Variants in RSPRY1 observed in about 807,000 individuals in gnomAD.
RSPRY1 encodes RING finger and SPRY domain-containing protein 1.
A neutral mutation model predicts 73.1 loss-of-function variants in RSPRY1; 23 were observed. The ratio of observed to expected loss-of-function variants is 0.31; its 90% CI spans 0.23 to 0.45. The LOEUF (loss-of-function observed/expected upper bound fraction) is 0.45, where lower values mean the gene tolerates loss of function less well. Among genes scored for constraint, RSPRY1 ranks in the 20% least tolerant of loss-of-function variants. The pLI is 1.00. For synonymous variants in RSPRY1, 226 were observed against 251.4 expected (o/e 0.90, Z 0.95); for missense variants, 448 against 698.7 (o/e 0.64, Z 4.05).
chr16:57,205,077 A>C, intron 2 of RSPRY1, 69 bp downstream of exon 2: 2 of 1,201,934 alleles, frequency 1.7e-6, no homozygotes, highest in African/African-American at 3.0e-5. Context: ...TGACTTTAGG[A>C]CTCCTTCAGT....
At chr16:57,219,334 T>G (rs2074997349) in intron 8 of RSPRY1, among the ~76,000 whole-genome samples, 1 of 152,190 alleles carries the variant, frequency 6.6e-6, no homozygotes, top group Non-Finnish European at 1.5e-5. Context: ...TGTTGCCTGT[T>G]TTTTAGATAA....
At chr16:57,194,525 T>A (rs763397434) in intron 1 of RSPRY1, among the ~76,000 whole-genome samples, 6 of 152,216 alleles carry the variant, frequency 3.9e-5, no homozygotes, top group Admixed American at 1.3e-4. Context: ...ATTTTCAGGA[T>A]GTTACACATT....
chr16:57,227,306 A>C, intron 10 of RSPRY1, 36 bp from the exon 11 acceptor site: 1 of 1,427,750 alleles, frequency 7.0e-7, no homozygotes, highest in Non-Finnish European at 9.9e-7. Context: ...CAGAGCAGGC[A>C]GACTTGCTAA....
At chr16:57,220,011 A>G (rs1456835054) in intron 8 of RSPRY1, 1 of 152,148 alleles carries the variant, frequency 6.6e-6, no homozygotes, top group African/African-American at 2.4e-5. Flanking sequence ...CCATTGGTCC[A>G]TGTGTCTGTT....
chr16:57,222,800 G>T (rs2075060003), intron 10 of RSPRY1, among the ~76,000 whole-genome samples: 1 of 152,126 alleles, frequency 6.6e-6, no homozygotes, highest in Admixed American at 6.6e-5. Flanking sequence ...CTTCCAGGGA[G>T]GAAGCTTCGA....
chr16:57,197,178 G>A (rs2074463985), intron 1 of RSPRY1, among the ~76,000 whole-genome samples: 1 of 151,986 alleles, frequency 6.6e-6, no homozygotes, highest in Non-Finnish European at 1.5e-5. Context: ...TAATTGATTA[G>A]CTTTCACCCA....
In RSPRY1 at chr16:57,230,778, G is replaced by T. The variant is rs201954899; in HGVS notation, c.1341G>T (p.Gln447His). The change falls in exon 12 of 15, where the codon CAG (glutamine) becomes CAT (histidine). Residue 447 changes from glutamine to histidine, a missense_variant. Transcript: ENST00000394420. ...KQMIFFLNGNQLPPEKQVFSS... is the reference protein window; with the variant it reads ...KQMIFFLNGNHLPPEKQVFSS... ...TGATCTTCTTTTTAAATGGCAACCA[G>T]CTGCCTCCTGAAAAGCAAGTCTTTT... 1.4e-5 allele frequency: 23 copies of T among 1,611,838 alleles called. No homozygotes were observed. Among genetic ancestry groups the T allele is most frequent in the Non-Finnish European group, 2.0e-5 (23 of 1,178,816 alleles).
intron 1 of RSPRY1, among the ~76,000 whole-genome samples, chr16:57,197,338 G>A (rs1400248998): frequency 3.9e-5 from 6 of 152,216 alleles, no homozygotes; most frequent in South Asian, 4.1e-4. Context: ...TGTGGCTGTA[G>A]CCCTCAAGAG....
chr16:57,222,794 C>T (rs1335997110), intron 10 of RSPRY1, among the ~76,000 whole-genome samples: 3 of 152,086 alleles, frequency 2.0e-5, no homozygotes, highest in Non-Finnish European at 4.4e-5. Flanking sequence ...GGGATTCTTC[C>T]AGGGAGGAAG....
chr16:57,217,753 A>G (rs2074964775), intron 8 of RSPRY1, among the ~76,000 whole-genome samples: 1 of 152,192 alleles, frequency 6.6e-6, no homozygotes. Flanking sequence ...ATTAAGAGTG[A>G]TCAACCTGTA....
chr16:57,213,162 C>T (rs1198675349), intron 5 of RSPRY1, 64 bp downstream of exon 5: 1 of 1,500,496 alleles, frequency 6.7e-7, no homozygotes, highest in Non-Finnish European at 9.1e-7. Context: ...GAAATTTGTA[C>T]TGTATGTCTT....
At chr16:57,188,590 C>T (rs1418344377) in intron 1 of RSPRY1, among the ~76,000 whole-genome samples, 2 of 152,158 alleles carry the variant, frequency 1.3e-5, no homozygotes, top group Admixed American at 6.5e-5. Flanking sequence ...TATCTCGGCT[C>T]ACTGCAACCT....
chr16:57,191,477 C>T (rs2074350951), intron 1 of RSPRY1, among the ~76,000 whole-genome samples: 1 of 152,066 alleles, frequency 6.6e-6, no homozygotes. Context: ...AACCTGGCAC[C>T]AATACAAGCT....
At chr16:57,197,629 C>T (rs1187072444) in intron 1 of RSPRY1, among the ~76,000 whole-genome samples, 1 of 152,124 alleles carries the variant, frequency 6.6e-6, no homozygotes, top group Non-Finnish European at 1.5e-5. Context: ...TTGGAAGAAA[C>T]TGACTCAAAA....
chr16:57,207,631 G>A, intron 2 of RSPRY1: 1 of 457,012 alleles, frequency 2.2e-6, no homozygotes, highest in South Asian at 1.5e-5. Flanking sequence ...ATAGGCCCTT[G>A]CTTCCATAAG....
chr16:57,201,688 C>T (rs547082583), intron 1 of RSPRY1, among the ~76,000 whole-genome samples: 202 of 152,334 alleles, frequency 1.3e-3, no homozygotes, highest in Non-Finnish European at 2.2e-3. Context: ...TGAGTGAACG[C>T]GACTCCGTCT....
intron 1 of RSPRY1, among the ~76,000 whole-genome samples, chr16:57,187,602 G>A (rs889969753): frequency 1.3e-5 from 2 of 152,202 alleles, no homozygotes; most frequent in African/African-American, 2.4e-5. Flanking sequence ...AAGTTAGTGT[G>A]ATTCTACCAC....
rs138304750 is a variant in RSPRY1 at position 57,228,230 on chromosome 16, G to A, written c.1273+777G>A. 3.1e-3 allele frequency among the ~76,000 whole-genome samples: 440 copies of A among 140,190 alleles called. 2 individuals are homozygous for A. The highest frequency in any genetic ancestry group is 0.011 in the African/African-American group (411 of 37,292). The allele number at this position is 140,190 out of a possible 152,430, so 92.0% of individuals were successfully genotyped here. ...AGAGGTTGCAATGAGCCGAGGTTGC[G>A]CCACTGCACTCCAGCCTGAGCAACA... On this transcript the variant is annotated intron_variant, in intron 11 of 14. Transcript: ENST00000394420.
intron 1 of RSPRY1, among the ~76,000 whole-genome samples, chr16:57,196,034 A>ATAT (rs36083992): frequency 0.02 from 2,502 of 122,594 alleles, 38 homozygotes; most frequent in South Asian, 0.052. Context: ...AAAAAAAAAA[A>ATAT]ATATATATAT....
Sources: gnomAD v4.1 joint callset for allele counts (sites outside exome capture counted in the v4.1 genomes callset) on GRCh38, gnomAD v4.1.1 for gene constraint, MANE v1.5 for transcripts, NCBI Gene and HGNC (gene_info 2026-07-23, HGNC 2026-07-21) for gene names.